Variants in DCT observed in about 807,000 individuals in gnomAD.
DCT encodes dopachrome tautomerase.
A neutral mutation model predicts 53.0 loss-of-function variants in DCT; 47 were observed. The observed-to-expected ratio is 0.89, with a 90% confidence interval of 0.70 to 1.13. The LOEUF (loss-of-function observed/expected upper bound fraction) is 1.13. Ranked by LOEUF, DCT falls within the 50% of genes most tolerant of loss-of-function variation. The pLI is 0.00. For missense variants in DCT, 669 were observed against 637.4 expected, an observed-to-expected ratio of 1.05 and a Z score of -0.53; for synonymous variants, 244 against 237.0, an observed-to-expected ratio of 1.03 and a Z score of -0.27.
chr13:94,539,877 G>C, the DCT span, among the ~76,000 whole-genome samples: 3 of 152,100 alleles, frequency 2.0e-5, no homozygotes, highest in Non-Finnish European at 4.4e-5. Context: ...TGCATCTTTA[G>C]ATAAAAGCTT....
chr13:94,506,516 A>AT, the DCT span, among the ~76,000 whole-genome samples: 1 of 152,224 alleles, frequency 6.6e-6, no homozygotes, highest in Non-Finnish European at 1.5e-5. Context: ...ATAAATAATT[A>AT]TGAGTTCATA....
At chr13:94,440,337 C>A (rs554711737) in intron 7 of DCT, among the ~76,000 whole-genome samples, 63 of 152,194 alleles carry the variant, frequency 4.1e-4, no homozygotes, top group African/African-American at 1.5e-3. Flanking sequence ...AATGCTTATG[C>A]CGAAGAAACC....
At chr13:94,447,373 G>A (rs1054707893) in intron 6 of DCT, among the ~76,000 whole-genome samples, 1 of 152,200 alleles carries the variant, frequency 6.6e-6, no homozygotes, top group Admixed American at 6.5e-5. Context: ...CCTCTCAGGT[G>A]CAGTTCATGA....
the DCT span, among the ~76,000 whole-genome samples, chr13:94,546,262 A>G: frequency 2.6e-5 from 4 of 152,102 alleles, no homozygotes; most frequent in Non-Finnish European, 5.9e-5. This position sits in a 1 kb window ranked among gnomAD's most constrained non-coding sequence, Gnocchi z 4.2. Context: ...GCCAGCTAGC[A>G]GACACAGCTG....
chr13:94,511,470 G>A, the DCT span, among the ~76,000 whole-genome samples: 3 of 149,758 alleles, frequency 2.0e-5, no homozygotes, highest in African/African-American at 7.4e-5. Context: ...AGTGATTCTT[G>A]TGCCTCAGCC....
Position 94,478,963 on chromosome 13 carries a change from G to A in DCT, c.293C>T (p.Thr98Ile). The A allele has an allele frequency of 6.2e-7, 1 of 1,607,760 alleles. No individual in the cohort carries two copies. The change falls in exon 1 of 8, where the codon ACA (threonine) becomes ATA (isoleucine). Residue 98 changes from threonine to isoleucine, a missense_variant and splice_region_variant. Coordinates refer to ENST00000377028, the MANE Select transcript of DCT (RefSeq NM_001922.5). ...CAAGCTTGGAGCATGGGCCTCACCTGTGCACTTGCAGGTCCGGTGGAAGAA... is the reference window on the plus strand; with the variant it reads ...CAAGCTTGGAGCATGGGCCTCACCTATGCACTTGCAGGTCCGGTGGAAGAA... ...RKFFHRTCKC[T>I]GNFAGYNCGD... is the part of the protein sequence containing the mutation.
intron 1 of DCT, among the ~76,000 whole-genome samples, chr13:94,476,428 T>C (rs995243876): frequency 2.0e-5 from 3 of 151,294 alleles, no homozygotes; most frequent in Admixed American, 6.6e-5. Flanking sequence ...CAGGATTCTA[T>C]GCAATGCAGA....
the DCT span, among the ~76,000 whole-genome samples, chr13:94,523,875 T>A: frequency 4.6e-5 from 7 of 152,164 alleles, no homozygotes; most frequent in East Asian, 3.9e-4. Context: ...GGACTCCATT[T>A]TTTTTTTACC....
chr13:94,497,377 G>A, the DCT span, among the ~76,000 whole-genome samples: 97,844 of 151,970 alleles, frequency 0.64, 31,714 homozygotes, highest in African/African-American at 0.69. Context: ...CTCTCTAGGT[G>A]AATAACAGTT....
chr13:94,500,508 G>T, the DCT span, among the ~76,000 whole-genome samples: 1 of 152,180 alleles, frequency 6.6e-6, no homozygotes, highest in African/African-American at 2.4e-5. Flanking sequence ...TTTGGGTGGG[G>T]ATACAACCAA....
chr13:94,476,378 G>C (rs1229838097), intron 1 of DCT, among the ~76,000 whole-genome samples: 1 of 151,042 alleles, frequency 6.6e-6, no homozygotes, highest in Non-Finnish European at 1.5e-5. Flanking sequence ...GTAACAAAAA[G>C]AGTTTATGGT....
the DCT span, among the ~76,000 whole-genome samples, chr13:94,495,861 A>C: frequency 6.6e-6 from 1 of 152,214 alleles, no homozygotes; most frequent in African/African-American, 2.4e-5. Context: ...CTGGTTATAA[A>C]TAATTTGATA....
In DCT at chr13:94,462,191, T is replaced by C. The variant is rs756314626; in HGVS notation, c.864-2A>G. 1.2e-6 allele frequency: 2 copies of C among 1,606,890 alleles called. No homozygotes were observed. The highest frequency in any genetic ancestry group is 1.7e-6 in the Non-Finnish European group (2 of 1,173,772). On this transcript the variant is annotated splice_acceptor_variant, in intron 4 of 7. Transcript: ENST00000377028. LOFTEE classifies it high-confidence loss of function. ...ACCAGGTGGTTGTAGTCATCCAAGC[T>C]AAGATTTGTAATAAGATTTAAAATA...
the DCT span, among the ~76,000 whole-genome samples, chr13:94,496,568 T>C: frequency 6.6e-6 from 1 of 152,180 alleles, no homozygotes; most frequent in Non-Finnish European, 1.5e-5. Flanking sequence ...ACAGACCTTG[T>C]TGATCTTCAG....
the DCT span, among the ~76,000 whole-genome samples, chr13:94,515,956 C>T: frequency 6.6e-6 from 1 of 152,112 alleles, no homozygotes; most frequent in Non-Finnish European, 1.5e-5. Flanking sequence ...CCAGAGAGAA[C>T]ATATGCAGAA....
the DCT span, among the ~76,000 whole-genome samples, chr13:94,520,781 T>A: frequency 3.3e-5 from 5 of 152,196 alleles, no homozygotes; most frequent in African/African-American, 4.8e-5. Flanking sequence ...TGGGCAGTAG[T>A]AAAGTCAGAT....
At chr13:94,443,128 T>C (rs745467533) in intron 7 of DCT, among the ~76,000 whole-genome samples, 2 of 152,184 alleles carry the variant, frequency 1.3e-5, no homozygotes, top group Non-Finnish European at 1.5e-5. Context: ...GGTTTTTTAT[T>C]AATCCAATAA....
intron 6 of DCT, chr13:94,445,844 A>C (rs1882686075): frequency 1.1e-6 from 1 of 951,798 alleles, no homozygotes; most frequent in African/African-American, 1.6e-5. Flanking sequence ...CCGCTGCCCC[A>C]TGCAGAAGTG....
chr13:94,445,334 A>G (rs1405912399), intron 6 of DCT, among the ~76,000 whole-genome samples: 1 of 152,222 alleles, frequency 6.6e-6, no homozygotes, highest in Admixed American at 6.5e-5. Context: ...AGTGTATTGC[A>G]GTTCCTATCT....
Sources: allele counts gnomAD v4.1 joint callset (sites outside exome capture counted in the v4.1 genomes callset), GRCh38; gene constraint gnomAD v4.1.1; non-coding constraint Gnocchi (gnomAD v3.1); transcripts MANE v1.5; gene names NCBI Gene and HGNC (gene_info 2026-07-23, HGNC 2026-07-21).